TBXAS1: variants seen among roughly 807,000 people sequenced by gnomAD.
The protein encoded by TBXAS1 is thromboxane-A synthase.
A neutral mutation model predicts 60.7 loss-of-function variants in TBXAS1; 48 were observed. The ratio of observed to expected loss-of-function variants is 0.79; its 90% CI spans 0.63 to 1.01. The LOEUF is 1.01. Ranked by LOEUF, TBXAS1 falls within the 50% of genes least tolerant of loss-of-function variation. The pLI, the probability that TBXAS1 is intolerant of heterozygous loss-of-function variation, is 0.00. For synonymous variants in TBXAS1, 287 were observed against 269.7 expected (o/e 1.06, Z -0.63); for missense variants, 685 against 686.3 (o/e 1.00, Z 0.02).
chr7:140,020,217 A>G lies in TBXAS1; in HGVS notation c.*118A>G. ...GTGATTGAAAGAGTGCCTGGCATGC[A>G]AGGATAAGAGGTTCTTTACATAACA... is the stretch of plus-strand genomic sequence containing the variant. On this transcript the variant is annotated 3_prime_UTR_variant, in exon 13 of 13. Transcript: ENST00000448866. The G allele has an allele frequency of 1.0e-6, 1 of 981,100 alleles. No individual in the cohort carries two copies. The allele number at this position is 981,100 out of a possible 1,614,324, so 60.8% of individuals were successfully genotyped here. A position where few individuals can be genotyped will look rare whatever the true frequency, so the allele number is the denominator to read the frequency against.
At chr7:139,784,224 T>TTCTC (rs369608853) in intron 3 of TBXAS1, among the ~76,000 whole-genome samples, 3 of 148,906 alleles carry the variant, frequency 2.0e-5, no homozygotes, top group Admixed American at 6.7e-5. Flanking sequence ...CTTTCATTCT[T>TTCTC]TCTCTCTCTC....
intron 9 of TBXAS1, among the ~76,000 whole-genome samples, chr7:139,992,593 G>GGAGGCGGCCCTGGAGA (rs1256736294): frequency 6.6e-6 from 1 of 152,256 alleles, no homozygotes; most frequent in Non-Finnish European, 1.5e-5. Flanking sequence ...ATCAGGTGGA[G>GGAGGCGGCCCTGGAGA]GAGGCGGCCC....
At chr7:139,947,872 T>C (rs1297032854) in intron 5 of TBXAS1, among the ~76,000 whole-genome samples, 5 of 151,874 alleles carry the variant, frequency 3.3e-5, no homozygotes, top group Non-Finnish European at 7.4e-5. Context: ...AACAGACTTT[T>C]TTTTTTTTTT....
At chr7:139,905,057 TTCTCTCTCTCTC>T (rs796683953) in intron 3 of TBXAS1, among the ~76,000 whole-genome samples, 2 of 107,488 alleles carry the variant, frequency 1.9e-5, no homozygotes, top group African/African-American at 4.0e-5. Flanking sequence ...CTTTCTTTCT[TTCTCTCTCTCTC>T]TCTCTCTTTC....
chr7:139,829,620 A>G (rs887471088), intron 1 of TBXAS1, 141 bp downstream of exon 1: 1 of 789,434 alleles, frequency 1.3e-6, no homozygotes. Flanking sequence ...CAGCTTCAGA[A>G]TTAAAAGCAA....
intron 1 of TBXAS1, among the ~76,000 whole-genome samples, chr7:139,834,963 T>C (rs763003567): frequency 6.6e-6 from 1 of 152,080 alleles, no homozygotes; most frequent in Non-Finnish European, 1.5e-5. Flanking sequence ...CCCTAACTCA[T>C]TCTATGAAGC....
intron 9 of TBXAS1, among the ~76,000 whole-genome samples, chr7:139,979,030 G>A (rs1253909390): frequency 1.3e-5 from 2 of 152,222 alleles, no homozygotes; most frequent in Admixed American, 1.3e-4. Flanking sequence ...CAGAAACAGA[G>A]GCTGGATTTG....
intron 1 of TBXAS1, among the ~76,000 whole-genome samples, chr7:139,841,837 G>A (rs902738406): frequency 1.3e-5 from 2 of 152,172 alleles, no homozygotes; most frequent in Admixed American, 6.5e-5. Flanking sequence ...CCTTACTGCA[G>A]ATATGCCACT....
intron 4 of TBXAS1, among the ~76,000 whole-genome samples, chr7:139,807,536 A>G (rs1797909894): frequency 6.6e-6 from 1 of 152,080 alleles, no homozygotes. Flanking sequence ...GGTGCCCACC[A>G]TCATGCCCTG....
Position 139,916,114 on chromosome 7 carries a change from T to A in TBXAS1, c.333+4793T>A, listed in dbSNP as rs149998192. Among the ~76,000 whole-genome samples the A allele has an allele frequency of 3.6e-4, 55 of 152,334 alleles. No individual in the cohort carries two copies. The highest frequency in any genetic ancestry group is 1.3e-3 in the African/African-American group (54 of 41,562). On this transcript the variant is annotated intron_variant, in intron 4 of 12. Coordinates refer to ENST00000448866, the MANE Select transcript of TBXAS1 (RefSeq NM_001061.7). This position sits in a 1 kb window ranked among gnomAD's most constrained non-coding sequence, Gnocchi z 4.2. ...CAATGAGCTCTTCTTTGCTGTCAGGTACGGTACCTAATGAAACCATAGGGC... is the reference window on the plus strand; with the variant it reads ...CAATGAGCTCTTCTTTGCTGTCAGGAACGGTACCTAATGAAACCATAGGGC...
chr7:139,835,836 C>A (rs1350073561), intron 1 of TBXAS1, among the ~76,000 whole-genome samples: 1 of 152,132 alleles, frequency 6.6e-6, no homozygotes, highest in African/African-American at 2.4e-5. Context: ...GGAAGTCAAA[C>A]TGTCACTGTT....
At chr7:139,937,982 C>A (rs1208148469) in intron 5 of TBXAS1, among the ~76,000 whole-genome samples, 1 of 152,080 alleles carries the variant, frequency 6.6e-6, no homozygotes, top group Non-Finnish European at 1.5e-5. Flanking sequence ...AAGTTTGGAA[C>A]CAACTGAGGT....
At position 139,991,650 on chromosome 7, in the gene TBXAS1, G is replaced by C. The variant is rs186154093; in HGVS notation, c.1135-15441G>C. ...TCAATCAATAAAATAAAAGCATAAA[G>C]ACATAGAAACACATAAACAGAGAAT... On this transcript the variant is annotated intron_variant, in intron 9 of 12. Coordinates refer to ENST00000448866, the MANE Select transcript of TBXAS1 (RefSeq NM_001061.7). Among the ~76,000 whole-genome samples the C allele has an allele frequency of 1.1e-4, 17 of 152,314 alleles. No individual in the cohort carries two copies. In the East Asian group the frequency reaches 3.1e-3, roughly 28 times the overall value.
At chr7:139,984,822 GAAGA>G (rs138949635) in intron 9 of TBXAS1, among the ~76,000 whole-genome samples, 1,620 of 121,956 alleles carry the variant, frequency 0.013, 36 homozygotes, top group African/African-American at 0.045. Context: ...AAGAAAAGAA[GAAGA>G]AAGAAAGAGG....
At chr7:139,804,486 G>A (rs1797794098) in intron 4 of TBXAS1, among the ~76,000 whole-genome samples, 1 of 152,160 alleles carries the variant, frequency 6.6e-6, no homozygotes, top group African/African-American at 2.4e-5. Context: ...AAGACTTTGT[G>A]GGACTGTTGG....
chr7:139,876,509 G>C (rs1469129977), intron 3 of TBXAS1, among the ~76,000 whole-genome samples: 1 of 152,152 alleles, frequency 6.6e-6, no homozygotes, highest in East Asian at 1.9e-4. Context: ...GTGCATTAAA[G>C]TTCTCCTGTG....
chr7:139,954,639 C>T (rs574111640), intron 6 of TBXAS1, among the ~76,000 whole-genome samples: 1 of 152,264 alleles, frequency 6.6e-6, no homozygotes, highest in East Asian at 1.9e-4. Flanking sequence ...ATATTAATAA[C>T]CCAGTTTTTA....
chr7:139,788,277 C>T (rs987409398), intron 4 of TBXAS1, among the ~76,000 whole-genome samples: 1 of 152,142 alleles, frequency 6.6e-6, no homozygotes, highest in African/African-American at 2.4e-5. Context: ...GATAAGAATC[C>T]CTGCTCTTAT....
intron 3 of TBXAS1, among the ~76,000 whole-genome samples, chr7:139,899,242 T>C (rs1804379298): frequency 6.6e-6 from 1 of 152,140 alleles, no homozygotes; most frequent in Non-Finnish European, 1.5e-5. Flanking sequence ...TATTTTACAA[T>C]GTGCTTTTCC....
Sources: allele counts gnomAD v4.1 joint callset (sites outside exome capture counted in the v4.1 genomes callset), GRCh38; gene constraint gnomAD v4.1.1; non-coding constraint Gnocchi (gnomAD v3.1); transcripts MANE v1.5; gene names NCBI Gene and HGNC (gene_info 2026-07-23, HGNC 2026-07-21).